Variants in GANC observed in about 807,000 individuals in gnomAD.
GANC encodes the protein neutral alpha-glucosidase C.
In GANC, 117 loss-of-function variants were observed where a neutral mutation model predicts 124.2. The observed-to-expected ratio is 0.94, with a 90% CI of 0.81 to 1.10. GANC has a LOEUF of 1.10. GANC is among the 50% of genes least tolerant of loss of function. GANC has a pLI of 0.00. For synonymous variants in GANC, 377 were observed against 376.8 expected (o/e 1.00, Z -0.01); for missense variants, 1,140 against 1,095.0 (o/e 1.04, Z -0.58).
At chr15:42,335,983 GA>G (rs773254911) in intron 15 of GANC, among the ~76,000 whole-genome samples, 2 of 152,022 alleles carry the variant, frequency 1.3e-5, no homozygotes, top group South Asian at 2.1e-4. Flanking sequence ...CAAGCAAATA[GA>G]AAAACATTCC....
intron 15 of GANC, 116 bp from the exon 16 acceptor site, chr15:42,338,273 G>T (rs2052299242): frequency 3.6e-6 from 2 of 550,248 alleles, no homozygotes; most frequent in Non-Finnish European, 6.4e-6. Context: ...TTATTTTAAG[G>T]CAAGAAATTG....
At chr15:42,303,660 T>A (rs1489211601) in intron 6 of GANC, among the ~76,000 whole-genome samples, 3 of 105,204 alleles carry the variant, frequency 2.9e-5, no homozygotes, top group Non-Finnish European at 3.8e-5. Flanking sequence ...GAGGGAGGAA[T>A]ATTTACCAAG....
intron 6 of GANC, among the ~76,000 whole-genome samples, chr15:42,300,095 A>G (rs956965529): frequency 2.0e-5 from 3 of 152,238 alleles, no homozygotes; most frequent in Admixed American, 6.5e-5. Flanking sequence ...AAATGCAATA[A>G]AAACCAAAAT....
rs1468047847 is a variant in GANC at position 42,352,263 on chromosome 15, C to T, written c.*124C>T. 13 of 1,491,002 alleles carry T rather than the reference C, an allele frequency of 8.7e-6. No individual in the cohort carries two copies. The highest frequency in any genetic ancestry group is 2.7e-5 in the South Asian group (2 of 74,786). 92.4% of individuals were successfully genotyped at this position (1,491,002 alleles called of 1,614,324 possible). A position where few individuals can be genotyped will look rare whatever the true frequency, so the allele number is the denominator to read the frequency against. On this transcript the variant is annotated 3_prime_UTR_variant, in exon 24 of 24. Transcript: ENST00000318010. ...CCCTGAATCAAAATAATCTTTCATT[C>T]GTCACCATTATACTAATGAACAATA...
Position 42,273,560 on chromosome 15 carries a change from T to G in GANC, c.-922T>G. On this transcript the variant is annotated 5_prime_UTR_variant, in exon 1 of 24. Coordinates refer to ENST00000318010, the MANE Select transcript of GANC (RefSeq NM_198141.3). The stretch of plus-strand genomic sequence containing the variant: ...GGCCCCTCTCTCAGACAGTCGTCTG[T>G]GCGCCGTGAGACTTTGGACCTACTG... 1 of 1,287,806 alleles carries G rather than the reference T, an allele frequency of 7.8e-7. No individual in the cohort carries two copies. Among genetic ancestry groups the G allele is most frequent in the Non-Finnish European group, 1.0e-6 (1 of 954,772 alleles). The allele number at this position is 1,287,806 out of a possible 1,614,324, so 79.8% of individuals were successfully genotyped here. A position where few individuals can be genotyped will look rare whatever the true frequency, so the allele number is the denominator to read the frequency against.
chr15:42,301,261 AG>A (rs2051943173), intron 6 of GANC, among the ~76,000 whole-genome samples: 2 of 152,142 alleles, frequency 1.3e-5, no homozygotes, highest in Admixed American at 1.3e-4. Context: ...ACAAGGGATC[AG>A]GGAACTCCCT....
intron 2 of GANC, 132 bp downstream of exon 2, chr15:42,276,542 C>T (rs2051673608): frequency 1.9e-6 from 1 of 534,162 alleles, no homozygotes; most frequent in African/African-American, 1.9e-5. Context: ...AATCATCAGA[C>T]AGGAGACTCA....
chr15:42,324,273 A>C (rs1172724411), intron 11 of GANC, among the ~76,000 whole-genome samples: 1 of 152,130 alleles, frequency 6.6e-6, no homozygotes, highest in Non-Finnish European at 1.5e-5. Context: ...TAAAAAAAAA[A>C]CAAAATAACA....
intron 11 of GANC, among the ~76,000 whole-genome samples, chr15:42,324,236 T>C (rs1209921881): frequency 6.6e-6 from 1 of 152,018 alleles, no homozygotes; most frequent in African/African-American, 2.4e-5. Context: ...TGAAATCCCA[T>C]TTTACATAAT....
Position 42,345,747 on chromosome 15 carries a change from TTAC to T in GANC, c.2230-9_2230-7del, listed in dbSNP as rs765399522. ...ATGTACTCTTTTTTACTGGACTCTG[TTAC>T]TTTCTAGGTCTGGTATGACTATAAG... On this transcript the variant is annotated splice_region_variant and splice_polypyrimidine_tract_variant and intron_variant, in intron 19 of 23. Coordinates refer to ENST00000318010, the MANE Select transcript of GANC (RefSeq NM_198141.3). 5.0e-6 allele frequency: 8 copies of T among 1,589,814 alleles called. No homozygotes were observed. Among genetic ancestry groups the T allele is most frequent in the Non-Finnish European group, 6.9e-6 (8 of 1,160,774 alleles).
intron 10 of GANC, among the ~76,000 whole-genome samples, chr15:42,316,469 T>C (rs908547987): frequency 1.3e-5 from 2 of 152,172 alleles, no homozygotes; most frequent in African/African-American, 4.8e-5. Context: ...CCCTTCCCTT[T>C]TAGGCAGCCA....
intron 5 of GANC, among the ~76,000 whole-genome samples, chr15:42,294,574 CAAAA>C (rs34588821): frequency 1.7e-5 from 2 of 119,324 alleles, no homozygotes; most frequent in Non-Finnish European, 1.7e-5. Flanking sequence ...GACTCTGTCT[CAAAA>C]AAAAAAAAAA....
intron 6 of GANC, 139 bp downstream of exon 6, chr15:42,297,795 C>T: frequency 2.1e-6 from 1 of 479,978 alleles, no homozygotes; most frequent in South Asian, 4.6e-5. Context: ...CCACTTGTTT[C>T]TTCGGCTCAC....
At chr15:42,316,599 G>C (rs1243956696) in intron 10 of GANC, among the ~76,000 whole-genome samples, 1 of 152,202 alleles carries the variant, frequency 6.6e-6, no homozygotes, top group Non-Finnish European at 1.5e-5. Flanking sequence ...GAACTTAAAA[G>C]AGAAACATGA....
At chr15:42,307,490 T>C (rs923380081) in intron 7 of GANC, among the ~76,000 whole-genome samples, 1 of 152,084 alleles carries the variant, frequency 6.6e-6, no homozygotes, top group Non-Finnish European at 1.5e-5. Flanking sequence ...TGAGCCACCA[T>C]ACCCGGCCAT....
At chr15:42,319,947 A>C (rs2052142313) in intron 10 of GANC, among the ~76,000 whole-genome samples, 1 of 152,040 alleles carries the variant, frequency 6.6e-6, no homozygotes, top group South Asian at 2.1e-4. Flanking sequence ...CACTTTGGGG[A>C]GCCAAGATGG....
At chr15:42,308,466 G>C (rs2141043128) in intron 8 of GANC, 148 bp downstream of exon 8, 1 of 538,568 alleles carries the variant, frequency 1.9e-6, no homozygotes, top group Admixed American at 2.9e-5. Context: ...AACCCTCCTT[G>C]AATGATCACT....
At chr15:42,330,695 C>T (rs2052236883) in intron 15 of GANC, 23 bp downstream of exon 15, 1 of 1,512,592 alleles carries the variant, frequency 6.6e-7, no homozygotes. Flanking sequence ...TCATATCAGA[C>T]TTAAAAACAC....
intron 13 of GANC, 97 bp from the exon 14 acceptor site, chr15:42,329,209 A>C: frequency 8.2e-7 from 1 of 1,225,408 alleles, no homozygotes; most frequent in South Asian, 1.5e-5. Flanking sequence ...CAGAGCATAG[A>C]TAATAAACAT....
Sources: allele counts gnomAD v4.1 joint callset (sites outside exome capture counted in the v4.1 genomes callset), GRCh38; gene constraint gnomAD v4.1.1; transcripts MANE v1.5; gene names NCBI Gene and HGNC (gene_info 2026-07-23, HGNC 2026-07-21).